Variants in AFTPH observed in about 807,000 individuals in gnomAD.
AFTPH encodes the protein aftiphilin, also known as aftiphilin protein.
Under a neutral mutation model 72.5 loss-of-function variants are expected in AFTPH, and 7 were observed. That is an observed-to-expected ratio of 0.10 (90% CI 0.05 to 0.18). The LOEUF is 0.18. AFTPH is among the 10% of genes least tolerant of loss of function. AFTPH has a pLI of 1.00. For missense variants in AFTPH, 979 were observed against 1,060.5 expected (o/e 0.92, Z 1.07); for synonymous variants, 337 against 370.1 (o/e 0.91, Z 1.03).
chr2:64,543,556 T>C (rs1053481697), intron 1 of AFTPH, among the ~76,000 whole-genome samples: 1 of 152,186 alleles, frequency 6.6e-6, no homozygotes, highest in Non-Finnish European at 1.5e-5. Context: ...CTGTATAAGA[T>C]GTTAGAATCA....
At chr2:64,552,150 A>C (rs963592465) in exon 2 of AFTPH, 1 of 1,613,982 alleles carries the variant, frequency 6.2e-7, no homozygotes, top group African/African-American at 1.3e-5. Context: ...CTCTGTACCT[A>C]GTCCTGCTGA....
At position 64,566,222 on chromosome 2, in the gene AFTPH, C is replaced by A. The variant is rs145323417; in HGVS notation, c.1936-1340C>A. On this transcript the variant is annotated intron_variant, in intron 2 of 8. Transcript: ENST00000238856. ...ACTCAAGTTTCACAGGCCTTGGGAT[C>A]TTGAGGCTACCCTTTACTTAGGGTT... 1.9e-3 allele frequency among the ~76,000 whole-genome samples: 292 copies of A among 152,212 alleles called. 4 individuals carry two copies. The highest frequency in any genetic ancestry group is 6.5e-3 in the African/African-American group (268 of 41,524).
chr2:64,589,619 C>T (rs538472158), intron 8 of AFTPH, among the ~76,000 whole-genome samples: 2 of 152,196 alleles, frequency 1.3e-5, no homozygotes, highest in South Asian at 4.1e-4. Context: ...AATATAATTT[C>T]ATATTGCCTC....
At chr2:64,575,715 G>A (rs1444963834) in intron 6 of AFTPH, among the ~76,000 whole-genome samples, 2 of 51,802 alleles carry the variant, frequency 3.9e-5, no homozygotes, top group East Asian at 3.9e-4. Flanking sequence ...GTGTGTGTGT[G>A]TGTGTGTGTG....
chr2:64,588,385 G>A (rs6546088), intron 8 of AFTPH, among the ~76,000 whole-genome samples: 72,711 of 152,076 alleles, frequency 0.48, 19,108 homozygotes, highest in African/African-American at 0.72. Flanking sequence ...ATTATGAGTA[G>A]TGTTGCTGCT....
At chr2:64,582,555 C>G (rs1358997413) in intron 7 of AFTPH, among the ~76,000 whole-genome samples, 1 of 152,158 alleles carries the variant, frequency 6.6e-6, no homozygotes, top group Non-Finnish European at 1.5e-5. Context: ...TAAATTACTT[C>G]TAAATTTACA....
intron 7 of AFTPH, among the ~76,000 whole-genome samples, chr2:64,582,637 A>G (rs1376442180): frequency 6.6e-6 from 1 of 152,148 alleles, no homozygotes; most frequent in African/African-American, 2.4e-5. Context: ...GGTAGGAGGG[A>G]CAACCAAAAA....
chr2:64,580,370 C>G (rs1673118010), intron 7 of AFTPH: 1 of 152,562 alleles, frequency 6.6e-6, no homozygotes, highest in Non-Finnish European at 1.5e-5. Flanking sequence ...ATAGTGGGGT[C>G]CTAGGATATC....
At position 64,551,615 on chromosome 2, in the gene AFTPH, C is replaced by T. The variant is rs113401509; in HGVS notation, c.141C>T (p.Phe47=). The change falls in exon 2 of 9, where the codon TTC becomes TTT. Residue 47 remains phenylalanine, a synonymous_variant. Transcript: ENST00000238856. Reference sequence around the variant, plus strand: ...CTTCTGGTGTAGGGTTTGTTGATTTCGATACACCAGATTATACTCGTCCCA... The same window carrying T: ...CTTCTGGTGTAGGGTTTGTTGATTTTGATACACCAGATTATACTCGTCCCA... The T allele has an allele frequency of 6.2e-6, 10 of 1,613,868 alleles. No homozygotes were observed. In the East Asian group the frequency reaches 1.1e-4, roughly 18 times the overall value.
chr2:64,582,925 G>A (rs1014180806), intron 7 of AFTPH, among the ~76,000 whole-genome samples: 1 of 152,210 alleles, frequency 6.6e-6, no homozygotes, highest in Non-Finnish European at 1.5e-5. Flanking sequence ...AGAGCAAGCG[G>A]TTTCAGAAGC....
chr2:64,527,147 CAT>C (rs1159412936), intron 1 of AFTPH, among the ~76,000 whole-genome samples: 2 of 152,108 alleles, frequency 1.3e-5, no homozygotes, highest in African/African-American at 4.8e-5. Context: ...GGTTTACAAA[CAT>C]ATCTTTATAT....
chr2:64,531,061 CAAAAAAA>C, intron 1 of AFTPH, among the ~76,000 whole-genome samples: 1 of 71,494 alleles, frequency 1.4e-5, no homozygotes, highest in East Asian at 4.5e-4. Flanking sequence ...GACTTCATCT[CAAAAAAA>C]AAAAAAAAAA....
At chr2:64,528,657 G>C (rs76817253) in intron 1 of AFTPH, among the ~76,000 whole-genome samples, 416 of 152,238 alleles carry the variant, frequency 2.7e-3, no homozygotes, top group African/African-American at 9.7e-3. Context: ...AAGCAAATAA[G>C]AAGAGTGGTA....
chr2:64,566,276 T>G (rs1047349190), intron 2 of AFTPH, among the ~76,000 whole-genome samples: 1 of 147,766 alleles, frequency 6.8e-6, no homozygotes, highest in Admixed American at 6.6e-5. Flanking sequence ...CCTTTTCCAA[T>G]ATCACACACA....
chr2:64,571,954 G>A (rs1490596244), intron 5 of AFTPH, among the ~76,000 whole-genome samples: 2 of 152,028 alleles, frequency 1.3e-5, no homozygotes, highest in Non-Finnish European at 2.9e-5. Flanking sequence ...GGTGGCTCAC[G>A]CCTGTAATCC....
chr2:64,562,776 G>C (rs1671818641), intron 2 of AFTPH, among the ~76,000 whole-genome samples: 1 of 152,164 alleles, frequency 6.6e-6, no homozygotes, highest in African/African-American at 2.4e-5. Flanking sequence ...CTTCTGAGTA[G>C]GTTTCAGAGT....
At chr2:64,575,490 G>T (rs1439179429) in intron 6 of AFTPH, among the ~76,000 whole-genome samples, 1 of 152,038 alleles carries the variant, frequency 6.6e-6, no homozygotes, top group Non-Finnish European at 1.5e-5. Context: ...GATGGCATGA[G>T]CCTGTAGTCC....
intron 8 of AFTPH, among the ~76,000 whole-genome samples, chr2:64,590,452 G>T (rs1008433046): frequency 1.3e-5 from 2 of 152,124 alleles, no homozygotes; most frequent in African/African-American, 2.4e-5. Flanking sequence ...CATTGTTAGT[G>T]GTGCTGAGAT....
At chr2:64,546,262 T>A (rs1235766650) in intron 1 of AFTPH, among the ~76,000 whole-genome samples, 1 of 152,150 alleles carries the variant, frequency 6.6e-6, no homozygotes, top group Non-Finnish European at 1.5e-5. Context: ...GTACCAACAT[T>A]GTCATGGTAA....
Sources: allele counts gnomAD v4.1 joint callset (sites outside exome capture counted in the v4.1 genomes callset), GRCh38; gene constraint gnomAD v4.1.1; transcripts MANE v1.5; gene names NCBI Gene and HGNC (gene_info 2026-07-23, HGNC 2026-07-21).